Variants in KAT8 observed in about 807,000 individuals in gnomAD.
KAT8 encodes the protein histone acetyltransferase KAT8.
Under a neutral mutation model 62.9 loss-of-function variants are expected in KAT8, and 40 were observed. That is an observed-to-expected ratio of 0.64 (90% CI 0.49 to 0.83). The LOEUF is 0.83. Among genes scored for constraint, KAT8 ranks in the 40% least tolerant of loss-of-function variants. KAT8 has a pLI of 0.00. For synonymous variants in KAT8, 278 were observed against 254.5 expected (o/e 1.09, Z -0.88); for missense variants, 387 against 614.8 (o/e 0.63, Z 3.92).
At chr16:31,129,933 C>T (rs570393095) in intron 6 of KAT8, 84 bp from the exon 7 acceptor site, 28 of 1,485,560 alleles carry the variant, frequency 1.9e-5, no homozygotes, top group African/African-American at 2.8e-5. Context: ...GCCCACTTCG[C>T]GTGGGCTGGT....
intron 1 of KAT8, among the ~76,000 whole-genome samples, chr16:31,119,384 G>A (rs141573592): frequency 1.3e-5 from 2 of 152,232 alleles, no homozygotes; most frequent in South Asian, 2.1e-4. Flanking sequence ...TCTTAACCTC[G>A]TGATTCACCC....
chr16:31,120,358 G>A lies in KAT8; in HGVS notation c.306G>A (p.Glu102=), dbSNP rs180829612. ...HYVGFNRRLD[E]WVDKNRLALT... ...TTACAGTTAACCGGCGGCTGGACGA[G>A]TGGGTAGACAAGAACCGGCTGGCGC... is the stretch of plus-strand genomic sequence containing the variant. Residue 102 remains glutamate (E), a synonymous_variant, in exon 3 of 11, where the codon GAG becomes GAA. Coordinates refer to ENST00000219797, the MANE Select transcript of KAT8 (RefSeq NM_032188.3). 90 of 1,613,976 alleles carry A rather than the reference G, an allele frequency of 5.6e-5. No homozygotes were observed. Among genetic ancestry groups the A allele is most frequent in the Non-Finnish European group, 7.2e-5 (85 of 1,179,824 alleles).
chr16:31,119,835 C>G (rs2057479939), intron 1 of KAT8, among the ~76,000 whole-genome samples: 1 of 151,638 alleles, frequency 6.6e-6, no homozygotes, highest in African/African-American at 2.4e-5. Flanking sequence ...GCCACCATGC[C>G]TGGCTTTTTT....
chr16:31,130,226 G>A, intron 7 of KAT8, 41 bp from the exon 8 acceptor site: 1 of 1,612,658 alleles, frequency 6.2e-7, no homozygotes, highest in Non-Finnish European at 8.5e-7. Context: ...AGAGAGTGGG[G>A]CAGAGCCTCC....
chr16:31,126,957 G>T, intron 3 of KAT8, 78 bp from the exon 4 acceptor site: 2 of 1,485,908 alleles, frequency 1.3e-6, no homozygotes, highest in Non-Finnish European at 9.4e-7. Context: ...CGGCAGGGAA[G>T]CCTTGTGGGT....
intron 1 of KAT8, 52 bp from the exon 2 acceptor site, chr16:31,120,134 C>T: frequency 1.4e-6 from 2 of 1,480,178 alleles, no homozygotes. Context: ...GTGCAGGATT[C>T]CTTTTGTTCC....
intron 5 of KAT8, 129 bp from the exon 6 acceptor site, chr16:31,127,921 C>T (rs1262925599): frequency 4.4e-6 from 3 of 683,346 alleles, no homozygotes; most frequent in Non-Finnish European, 5.3e-6. Context: ...GAGGATTACT[C>T]GATGTAGGTG....
chr16:31,119,892 G>A (rs1169894887), intron 1 of KAT8, among the ~76,000 whole-genome samples: 1 of 151,788 alleles, frequency 6.6e-6, no homozygotes, highest in Non-Finnish European at 1.5e-5. Flanking sequence ...TGTTGACCAG[G>A]CTGGTCTCAA....
chr16:31,122,163 C>T (rs950265297), intron 3 of KAT8: 2 of 152,246 alleles, frequency 1.3e-5, no homozygotes, highest in African/African-American at 4.8e-5. Flanking sequence ...CTTCATCCTT[C>T]TGAGTACATG....
At chr16:31,123,153 A>G (rs1193216598) in intron 3 of KAT8, among the ~76,000 whole-genome samples, 1 of 152,014 alleles carries the variant, frequency 6.6e-6, no homozygotes, top group Non-Finnish European at 1.5e-5. Context: ...ACTGCACTCC[A>G]TCCAGCCTGG....
At chr16:31,121,281 C>T (rs372275485) in intron 3 of KAT8, among the ~76,000 whole-genome samples, 3 of 151,806 alleles carry the variant, frequency 2.0e-5, no homozygotes, top group African/African-American at 4.8e-5. Flanking sequence ...CCACCACGCC[C>T]GGATAATTTT....
intron 6 of KAT8, among the ~76,000 whole-genome samples, 173 bp from the exon 7 acceptor site, chr16:31,129,844 C>T (rs887329321): frequency 6.6e-5 from 10 of 152,246 alleles, no homozygotes; most frequent in Non-Finnish European, 1.3e-4. Flanking sequence ...TGCTGTTGCT[C>T]TCTCATTTCC....
chr16:31,129,114 C>G (rs1367405881), intron 6 of KAT8, among the ~76,000 whole-genome samples: 1 of 152,110 alleles, frequency 6.6e-6, no homozygotes, highest in Non-Finnish European at 1.5e-5. Flanking sequence ...TAATATTTAC[C>G]TAGTTGTGTT....
chr16:31,130,248 GA>G lies in KAT8; in HGVS notation c.913-18del. 2 of 1,613,932 alleles carry G rather than the reference GA, an allele frequency of 1.2e-6. No homozygotes were observed. Among genetic ancestry groups the G allele is most frequent in the Non-Finnish European group, 1.7e-6 (2 of 1,179,812 alleles). On this transcript the variant is annotated intron_variant, in intron 7 of 10. Transcript: ENST00000219797. ...GGGGCAGAGCCTCCCCAGCGGCCCT[GA>G]GCACCTGCCTCCTGCAGGAGAAGGA...
chr16:31,130,586 A>G lies in KAT8; in HGVS notation c.1137A>G (p.Thr379=). 6.2e-7 allele frequency: 1 copy of G among 1,614,182 alleles called. No individual in the cohort carries two copies. Among genetic ancestry groups the G allele is most frequent in the Non-Finnish European group, 8.5e-7 (1 of 1,180,006 alleles). Residue 379 remains threonine (T), a synonymous_variant, in exon 9 of 11, where the codon ACA becomes ACG. Coordinates refer to ENST00000219797, the MANE Select transcript of KAT8 (RefSeq NM_032188.3). ...AGATCCTGCGGGACTTCCGGGGCAC[A>G]CTGTCCATCAAGGACCTCAGGTGAG... The part of the protein sequence containing the change: ...LLEILRDFRG[T]LSIKDLSQMT...
intron 3 of KAT8, among the ~76,000 whole-genome samples, chr16:31,123,221 ATT>A (rs1396643071): frequency 6.6e-6 from 1 of 152,042 alleles, no homozygotes; most frequent in African/African-American, 2.4e-5. Flanking sequence ...AAAAAATTTT[ATT>A]TTTATTTTTT....
At chr16:31,120,769 A>G (rs1246420820) in intron 3 of KAT8, 5 of 440,096 alleles carry the variant, frequency 1.1e-5, no homozygotes, top group Non-Finnish European at 2.0e-5. Flanking sequence ...CGGCACTGGT[A>G]GCCTCTTTTG....
chr16:31,128,396 A>T (rs1226564206), intron 6 of KAT8, among the ~76,000 whole-genome samples: 1 of 152,172 alleles, frequency 6.6e-6, no homozygotes, highest in African/African-American at 2.4e-5. Flanking sequence ...AATACAAAAA[A>T]TTAGCTGGCG....
At chr16:31,125,618 AAAAAAAAGAAAT>A (rs2057526881) in intron 3 of KAT8, 1 of 152,750 alleles carries the variant, frequency 6.5e-6, no homozygotes, top group Non-Finnish European at 1.5e-5. Flanking sequence ...AAAAAAAAAA[AAAAAAAAGAAAT>A]AACACTCTAT....
Sources: gnomAD v4.1 joint callset for allele counts (sites outside exome capture counted in the v4.1 genomes callset) on GRCh38, gnomAD v4.1.1 for gene constraint, MANE v1.5 for transcripts, NCBI Gene and HGNC (gene_info 2026-07-23, HGNC 2026-07-21) for gene names.